ARPP21: variants seen among roughly 807,000 people sequenced by gnomAD.
ARPP21 encodes cAMP-regulated phosphoprotein 21.
In ARPP21, 69 loss-of-function variants were observed where a neutral mutation model predicts 113.2. That is an observed-to-expected ratio of 0.61 (90% CI 0.50 to 0.74). The LOEUF (loss-of-function observed/expected upper bound fraction) is 0.74, where lower values mean the gene tolerates loss of function less well. ARPP21 is among the 30% of genes least tolerant of loss of function. ARPP21 has a pLI of 0.00. For synonymous variants in ARPP21, 368 were observed against 375.5 expected (o/e 0.98, Z 0.23); for missense variants, 1,070 against 1,037.4 (o/e 1.03, Z -0.43).
intron 11 of ARPP21, among the ~76,000 whole-genome samples, chr3:35,714,786 A>G (rs1227760493): frequency 6.6e-6 from 1 of 152,174 alleles, no homozygotes; most frequent in Non-Finnish European, 1.5e-5. Flanking sequence ...CTAAGAAGAA[A>G]GTCATTGATT....
At chr3:35,671,094 C>T (rs2076233267) in intron 1 of ARPP21, among the ~76,000 whole-genome samples, 1 of 152,132 alleles carries the variant, frequency 6.6e-6, no homozygotes, top group Admixed American at 6.6e-5. Context: ...AGGCACATAG[C>T]TCCTTTCACT....
chr3:35,662,343 G>T (rs1212969798), intron 1 of ARPP21, among the ~76,000 whole-genome samples: 2 of 152,192 alleles, frequency 1.3e-5, no homozygotes, highest in African/African-American at 2.4e-5. Flanking sequence ...AATGGTGATT[G>T]TTAACCTGGG....
chr3:35,726,087 GTTAGA>G, intron 14 of ARPP21, among the ~76,000 whole-genome samples: 1 of 152,286 alleles, frequency 6.6e-6, no homozygotes, highest in East Asian at 1.9e-4. Flanking sequence ...TGCTGTAAAA[GTTAGA>G]TTAGACAATT....
rs571829493 is a variant in ARPP21, at chr3:35,732,358, G to A, written c.1459+2822G>A. On this transcript the variant is annotated intron_variant, in intron 15 of 20. Transcript: ENST00000684406. ...CAATATAACCATAACTTTTAATTTTGTCTGGCCTCAGACTCAGCTTTCAAC... is the reference window on the plus strand; with the variant it reads ...CAATATAACCATAACTTTTAATTTTATCTGGCCTCAGACTCAGCTTTCAAC... Among the ~76,000 whole-genome samples, 45 of 152,182 alleles carry A rather than the reference G, an allele frequency of 3.0e-4. No individual in the cohort carries two copies. In the Middle Eastern group the frequency reaches 0.02, roughly 69 times the overall value.
chr3:35,646,695 T>A (rs1342286001), intron 1 of ARPP21, among the ~76,000 whole-genome samples: 1 of 152,130 alleles, frequency 6.6e-6, no homozygotes, highest in Non-Finnish European at 1.5e-5. Context: ...AATTAATTAA[T>A]TGTTAGGATT....
chr3:35,747,823 G>T (rs575313601), intron 19 of ARPP21, among the ~76,000 whole-genome samples: 49 of 151,738 alleles, frequency 3.2e-4, no homozygotes, highest in African/African-American at 9.7e-4. Flanking sequence ...GAGGTGAGAG[G>T]ATTGCTTGAG....
intron 14 of ARPP21, among the ~76,000 whole-genome samples, chr3:35,725,601 T>C (rs1038293755): frequency 7.2e-5 from 11 of 152,326 alleles, no homozygotes; most frequent in African/African-American, 2.4e-4. Context: ...CCTGGGAATG[T>C]TCCCTCTGCT....
intron 19 of ARPP21, among the ~76,000 whole-genome samples, chr3:35,789,632 AG>A (rs2096706871): frequency 6.6e-6 from 1 of 152,184 alleles, no homozygotes; most frequent in African/African-American, 2.4e-5. Flanking sequence ...TGAATATTAA[AG>A]TTCACAAATC....
intron 1 of ARPP21, among the ~76,000 whole-genome samples, chr3:35,669,120 G>T (rs79885176): frequency 0.012 from 1,800 of 151,960 alleles, 58 homozygotes; most frequent in South Asian, 0.093. Flanking sequence ...TGACAGTTGG[G>T]TCTTCCTTCT....
chr3:35,708,937 G>A, intron 10 of ARPP21, 32 bp from the exon 11 acceptor site: 1 of 1,507,454 alleles, frequency 6.6e-7, no homozygotes, highest in Non-Finnish European at 9.2e-7. Flanking sequence ...ACGCAACTTG[G>A]ATAACCCTCC....
At chr3:35,781,616 T>C (rs1576989891) in intron 19 of ARPP21, 1 of 152,330 alleles carries the variant, frequency 6.6e-6, no homozygotes, top group East Asian at 1.9e-4. Flanking sequence ...TAAGGTGAGA[T>C]TAAAGATATT....
Position 35,739,281 on chromosome 3 carries a change from C to G in ARPP21, c.1750-36C>G, listed in dbSNP as rs1449910593. 8 of 1,599,186 alleles carry G rather than the reference C, an allele frequency of 5.0e-6. No homozygotes were observed. The Middle Eastern group carries it at 1.2e-3, about 234-fold the overall frequency. On this transcript the variant is annotated intron_variant, in intron 17 of 20. Transcript: ENST00000684406. ...GTGCCTCTCTTATTACCAAGCTGAT[C>G]CTGTGAATTCCCTCATTTATTTCCA...
intron 19 of ARPP21, among the ~76,000 whole-genome samples, chr3:35,769,556 A>G (rs2151481289): frequency 6.6e-6 from 1 of 152,282 alleles, no homozygotes; most frequent in African/African-American, 2.4e-5. Context: ...TTCATTTAAA[A>G]ATTATTTAAT....
At chr3:35,688,853 AATAG>A (rs1299054040) in intron 6 of ARPP21, among the ~76,000 whole-genome samples, 1 of 151,264 alleles carries the variant, frequency 6.6e-6, no homozygotes, top group African/African-American at 2.4e-5. Flanking sequence ...TGTACCGATT[AATAG>A]ATAGTCTCAT....
At chr3:35,734,457 T>C (rs531578962) in intron 15 of ARPP21, among the ~76,000 whole-genome samples, 4 of 152,066 alleles carry the variant, frequency 2.6e-5, no homozygotes, top group Non-Finnish European at 4.4e-5. Flanking sequence ...ATGAAGAACA[T>C]AGAAAAAAGA....
intron 19 of ARPP21, among the ~76,000 whole-genome samples, chr3:35,758,591 A>G (rs532539433): frequency 2.2e-4 from 34 of 152,046 alleles, no homozygotes; most frequent in Non-Finnish European, 4.6e-4. Context: ...GAGAAAAAAA[A>G]AAACATGGAA....
Position 35,681,664 on chromosome 3 carries a change from A to T in ARPP21, c.-38-50A>T, listed in dbSNP as rs139829923. On this transcript the variant is annotated intron_variant, in intron 2 of 20. Transcript: ENST00000684406. ...GGAGAAATGAAATCTCTAAAGAATGATAGTAAATACCTTGCACTGACTTTA... is the reference window on the plus strand; with the variant it reads ...GGAGAAATGAAATCTCTAAAGAATGTTAGTAAATACCTTGCACTGACTTTA... The T allele has an allele frequency of 5.9e-5, 53 of 896,132 alleles. No homozygotes were observed. The East Asian group carries it at 1.2e-3, about 20-fold the overall frequency. 55.5% of individuals were successfully genotyped at this position (896,132 alleles called of 1,614,324 possible). A position where few individuals can be genotyped will look rare whatever the true frequency, so the allele number is the denominator to read the frequency against.
intron 19 of ARPP21, among the ~76,000 whole-genome samples, chr3:35,760,983 T>C (rs2095754068): frequency 6.6e-6 from 1 of 152,122 alleles, no homozygotes; most frequent in Non-Finnish European, 1.5e-5. Flanking sequence ...TTTTTTTCCC[T>C]GACTGTAACA....
chr3:35,662,982 TAGA>T (rs1708495555), intron 1 of ARPP21, among the ~76,000 whole-genome samples: 1 of 151,960 alleles, frequency 6.6e-6, no homozygotes, highest in Non-Finnish European at 1.5e-5. Flanking sequence ...TACAGCAAGA[TAGA>T]AGGAATAGAT....
Sources: gnomAD v4.1 joint callset for allele counts (sites outside exome capture counted in the v4.1 genomes callset) on GRCh38, gnomAD v4.1.1 for gene constraint, MANE v1.5 for transcripts, NCBI Gene and HGNC (gene_info 2026-07-23, HGNC 2026-07-21) for gene names.